Variants in PCDHA12 observed in about 807,000 individuals in gnomAD.
The protein encoded by PCDHA12 is protocadherin alpha-12.
In PCDHA12, 44 loss-of-function variants were observed where a neutral mutation model predicts 60.0. That is an observed-to-expected ratio of 0.73 (90% CI 0.58 to 0.94). The LOEUF (loss-of-function observed/expected upper bound fraction) is 0.94, where lower values mean the gene tolerates loss of function less well. PCDHA12 is among the 40% of genes least tolerant of loss of function. The pLI is 0.00. For missense variants in PCDHA12, 1,276 were observed against 1,239.7 expected, an observed-to-expected ratio of 1.03 and a Z score of -0.44; for synonymous variants, 569 against 553.0, an observed-to-expected ratio of 1.03 and a Z score of -0.40.
rs187844001 is a variant in PCDHA12 at position 140,981,487 on chromosome 5, T to C, written c.2427-988T>C. On this transcript the variant is annotated intron_variant, in intron 2 of 3. Coordinates refer to ENST00000398631, the MANE Select transcript of PCDHA12 (RefSeq NM_018903.4). ...TACTTGGGAGGCTGAGGCAGGAGAA[T>C]TGCTTGAACCTGGGAGGCAGAGGTT... Among the ~76,000 whole-genome samples the C allele has an allele frequency of 5.5e-3, 843 of 152,250 alleles. 8 individuals carry two copies. Among genetic ancestry groups the C allele is most frequent in the African/African-American group, 0.019 (806 of 41,542 alleles).
At chr5:140,997,670 G>A (rs1587757819) in intron 3 of PCDHA12, among the ~76,000 whole-genome samples, 1 of 79,680 alleles carries the variant, frequency 1.3e-5, no homozygotes, top group Non-Finnish European at 2.9e-5. Flanking sequence ...TATACAGCTT[G>A]TGTGTGTGTG....
intron 1 of PCDHA12, chr5:140,926,893 A>G: frequency 1.3e-6 from 2 of 1,547,320 alleles, no homozygotes; most frequent in Non-Finnish European, 1.7e-6. Context: ...TAGAGGGAGG[A>G]TGGTGGGCTG....
At chr5:140,908,180 T>C (rs2073846080) in intron 1 of PCDHA12, among the ~76,000 whole-genome samples, 2 of 152,298 alleles carry the variant, frequency 1.3e-5, no homozygotes, top group East Asian at 3.9e-4. Context: ...AGCTGTCCAC[T>C]TTCAGGTGGT....
chr5:140,909,575 G>A (rs114329297), intron 1 of PCDHA12, among the ~76,000 whole-genome samples: 373 of 152,290 alleles, frequency 2.4e-3, no homozygotes, highest in African/African-American at 8.5e-3. Context: ...CCAGAGATGT[G>A]ATATGTTTTT....
chr5:140,961,672 A>T (rs1463428757), intron 1 of PCDHA12, among the ~76,000 whole-genome samples: 2 of 152,182 alleles, frequency 1.3e-5, no homozygotes, highest in East Asian at 3.8e-4. Flanking sequence ...ACCAGTTTTT[A>T]ATTAAGCCGG....
intron 1 of PCDHA12, among the ~76,000 whole-genome samples, chr5:140,955,810 A>G (rs1171384572): frequency 1.3e-5 from 2 of 152,090 alleles, no homozygotes; most frequent in Non-Finnish European, 2.9e-5. Context: ...GTTTGTGTCC[A>G]CTGTGATTTC....
At chr5:140,925,190 A>G (rs2082378036) in intron 1 of PCDHA12, among the ~76,000 whole-genome samples, 1 of 152,192 alleles carries the variant, frequency 6.6e-6, no homozygotes, top group Non-Finnish European at 1.5e-5. Context: ...ACCATCACCC[A>G]GCTTCAATAA....
intron 1 of PCDHA12, among the ~76,000 whole-genome samples, chr5:140,896,320 C>G (rs1583228292): frequency 6.6e-6 from 1 of 152,182 alleles, no homozygotes; most frequent in Non-Finnish European, 1.5e-5. Context: ...CTGCTTTCCA[C>G]AGTGGCTAAA....
chr5:140,931,409 A>G (rs1172534741), intron 1 of PCDHA12, among the ~76,000 whole-genome samples: 1 of 152,082 alleles, frequency 6.6e-6, no homozygotes, highest in African/African-American at 2.4e-5. Flanking sequence ...AGGAAGGCTG[A>G]TGAATCTAGA....
At chr5:140,952,009 G>A (rs780606946) in intron 1 of PCDHA12, among the ~76,000 whole-genome samples, 1 of 152,102 alleles carries the variant, frequency 6.6e-6, no homozygotes, top group African/African-American at 2.4e-5. Flanking sequence ...AGAATTATAG[G>A]CCCCATGCAA....
chr5:140,988,445 A>G (rs1554250148), intron 3 of PCDHA12, among the ~76,000 whole-genome samples: 2 of 152,168 alleles, frequency 1.3e-5, no homozygotes, highest in African/African-American at 2.4e-5. Context: ...ATTGACCTGA[A>G]GGGAGGAAGC....
intron 1 of PCDHA12, among the ~76,000 whole-genome samples, chr5:140,977,658 T>C (rs1332848343): frequency 6.6e-6 from 1 of 152,192 alleles, no homozygotes; most frequent in African/African-American, 2.4e-5. Context: ...TTTGGCTAAT[T>C]CTCTGCATGC....
intron 1 of PCDHA12, among the ~76,000 whole-genome samples, chr5:140,925,065 G>C (rs782540022): frequency 2.0e-5 from 3 of 151,188 alleles, no homozygotes; most frequent in Non-Finnish European, 4.4e-5. Flanking sequence ...GGGCAACAAA[G>C]CAACACGCTC....
chr5:140,989,630 G>C (rs1483532761), intron 3 of PCDHA12, among the ~76,000 whole-genome samples: 4 of 152,228 alleles, frequency 2.6e-5, no homozygotes, highest in Admixed American at 2.6e-4. Context: ...CCTAGTGACA[G>C]CAAGGGTCTT....
intron 1 of PCDHA12, chr5:140,966,570 G>A: frequency 2.0e-6 from 1 of 501,774 alleles, no homozygotes; most frequent in Non-Finnish European, 3.3e-6. Context: ...GGAATATGGG[G>A]AGTCAGCGAG....
At chr5:140,982,253 A>G (rs1209317234) in intron 2 of PCDHA12, 16 of 777,640 alleles carry the variant, frequency 2.1e-5, no homozygotes, top group Admixed American at 3.3e-5. Context: ...AAGATAGAAC[A>G]TGTGTGTTCC....
At chr5:140,957,548 T>C (rs1554223015) in intron 1 of PCDHA12, among the ~76,000 whole-genome samples, 1 of 152,154 alleles carries the variant, frequency 6.6e-6, no homozygotes, top group Non-Finnish European at 1.5e-5. Flanking sequence ...GAAAGTATTC[T>C]CTGTGGAAAA....
chr5:140,878,890 T>C (rs1219933788), intron 1 of PCDHA12, among the ~76,000 whole-genome samples: 1 of 152,242 alleles, frequency 6.6e-6, no homozygotes, highest in East Asian at 1.9e-4. Flanking sequence ...TAGCTGAGAC[T>C]ACAGGCAGGC....
At chr5:140,976,666 A>G (rs1260651584) in intron 1 of PCDHA12, among the ~76,000 whole-genome samples, 4 of 152,188 alleles carry the variant, frequency 2.6e-5, no homozygotes, top group African/African-American at 9.6e-5. Flanking sequence ...CAAAGTTCAG[A>G]TGTCTCATTT....
Sources: allele counts gnomAD v4.1 joint callset (sites outside exome capture counted in the v4.1 genomes callset), GRCh38; gene constraint gnomAD v4.1.1; transcripts MANE v1.5; gene names NCBI Gene and HGNC (gene_info 2026-07-23, HGNC 2026-07-21).